RFFL: variants seen among roughly 807,000 people sequenced by gnomAD.
The protein encoded by RFFL is E3 ubiquitin-protein ligase rififylin.
A neutral mutation model predicts 40.4 loss-of-function variants in RFFL; 16 were observed. That is an observed-to-expected ratio of 0.40 (90% CI 0.27 to 0.60). The LOEUF (loss-of-function observed/expected upper bound fraction) is 0.60. Ranked by LOEUF, RFFL falls within the 20% of genes least tolerant of loss-of-function variation. The pLI, the probability that RFFL is intolerant of heterozygous loss-of-function variation, is 0.47. For missense variants in RFFL, 367 were observed against 451.7 expected, an observed-to-expected ratio of 0.81 and a Z score of 1.70; for synonymous variants, 154 against 167.9, an observed-to-expected ratio of 0.92 and a Z score of 0.64.
At chr17:35,060,935 G>C (rs1220602474) in intron 1 of RFFL, among the ~76,000 whole-genome samples, 1 of 152,150 alleles carries the variant, frequency 6.6e-6, no homozygotes, top group Admixed American at 6.5e-5. Flanking sequence ...ATGCATATAT[G>C]AACTAAGTGT....
intron 1 of RFFL, among the ~76,000 whole-genome samples, chr17:35,028,574 G>A (rs969277577): frequency 1.3e-5 from 2 of 152,044 alleles, no homozygotes; most frequent in African/African-American, 4.8e-5. Context: ...TAGATACTTT[G>A]AGCCTGAACT....
intron 1 of RFFL, among the ~76,000 whole-genome samples, chr17:35,035,237 C>T (rs932773524): frequency 6.6e-6 from 1 of 151,822 alleles, no homozygotes; most frequent in Non-Finnish European, 1.5e-5. Context: ...GGTGAAACCC[C>T]GTCTCTACTA....
chr17:35,048,720 AGAAT>A (rs961588138), intron 1 of RFFL, among the ~76,000 whole-genome samples: 3 of 152,184 alleles, frequency 2.0e-5, no homozygotes, highest in African/African-American at 7.2e-5. Flanking sequence ...CCAAATTCAA[AGAAT>A]GAACGTATGC....
At chr17:35,055,748 A>G (rs1361518771) in intron 1 of RFFL, among the ~76,000 whole-genome samples, 5 of 152,040 alleles carry the variant, frequency 3.3e-5, no homozygotes, top group Non-Finnish European at 7.4e-5. Context: ...CTTGTAACTG[A>G]AAGTCACACA....
chr17:35,069,003 C>G (rs1207727987), intron 1 of RFFL, among the ~76,000 whole-genome samples: 1 of 152,166 alleles, frequency 6.6e-6, no homozygotes, highest in Non-Finnish European at 1.5e-5. Flanking sequence ...TGTCATCAAA[C>G]TCCATCACCT....
In RFFL at chr17:35,032,094, C is replaced by CA. The variant is rs11308568; in HGVS notation, c.-8-5534dup. Reference sequence around the variant, plus strand: ...TGGGCGACAGAGCGAGACTCCGTCTCAAAAAAAAAAAAAAAAAGAAAAAGA... The same window carrying CA: ...TGGGCGACAGAGCGAGACTCCGTCTCAAAAAAAAAAAAAAAAAAGAAAAAGA... On this transcript the variant is annotated intron_variant, in intron 1 of 6. Coordinates refer to ENST00000394597, the MANE Select transcript of RFFL (RefSeq NM_001017368.2). Among the ~76,000 whole-genome samples the CA allele has an allele frequency of 7.3e-3, 600 of 81,784 alleles. 3 individuals are homozygous for CA. Among genetic ancestry groups the CA allele is most frequent in the South Asian group, 0.017 (42 of 2,504 alleles). The allele number at this position is 81,784 out of a possible 152,430, so 53.7% of individuals were successfully genotyped here.
chr17:35,030,122 T>A (rs2091073046), intron 1 of RFFL, among the ~76,000 whole-genome samples: 1 of 150,292 alleles, frequency 6.7e-6, no homozygotes, highest in Non-Finnish European at 1.5e-5. Flanking sequence ...TCCAAGTCTT[T>A]GCTATTGTGA....
chr17:35,035,761 C>A (rs1597823332), intron 1 of RFFL, among the ~76,000 whole-genome samples: 1 of 151,528 alleles, frequency 6.6e-6, no homozygotes, highest in Admixed American at 6.6e-5. Flanking sequence ...TAGAGTGCAA[C>A]GGCAAGATCT....
chr17:35,084,271 T>C (rs969726764), intron 1 of RFFL, among the ~76,000 whole-genome samples: 23 of 151,976 alleles, frequency 1.5e-4, no homozygotes, highest in African/African-American at 4.8e-4. Flanking sequence ...GGGGAGCTTT[T>C]TGAAAATAAA....
At chr17:35,038,992 T>C (rs2091144629) in intron 1 of RFFL, among the ~76,000 whole-genome samples, 1 of 152,178 alleles carries the variant, frequency 6.6e-6, no homozygotes, top group Admixed American at 6.5e-5. Context: ...CACTGTAACC[T>C]GGACCTCCCA....
intron 1 of RFFL, among the ~76,000 whole-genome samples, chr17:35,072,630 T>C (rs566996023): frequency 7.9e-5 from 12 of 152,046 alleles, no homozygotes; most frequent in East Asian, 3.9e-4. Context: ...GGTGTTGATA[T>C]TGTACTATGG....
In RFFL at chr17:35,026,432, G is replaced by A. The variant is rs1400848614; in HGVS notation, c.122C>T (p.Thr41Ile). ...GGACTTGCAGCTTGGTTCCAAGCCT[G>A]TTGGGGAAGGGAAGGAGCTGTACCC... is the stretch of plus-strand genomic sequence containing the variant. ...NPGYSSFPSP[T>I]GLEPSCKSCG... The change falls in exon 2 of 7, where the codon ACA (threonine) becomes ATA (isoleucine). Residue 41 changes from threonine to isoleucine, a missense_variant. Physicochemically the swap from Thr to Ile is moderately conservative, Grantham distance 89. Transcript: ENST00000394597. The A allele has an allele frequency of 4.0e-5, 65 of 1,613,908 alleles. No individual in the cohort carries two copies. The East Asian group carries it at 1.4e-3, about 35-fold the overall frequency.
At chr17:35,028,919 C>T (rs1256484691) in intron 1 of RFFL, among the ~76,000 whole-genome samples, 1 of 151,974 alleles carries the variant, frequency 6.6e-6, no homozygotes, top group Non-Finnish European at 1.5e-5. Context: ...CACCTGTCTC[C>T]CCAACTGGCC....
At chr17:35,012,832 C>T (rs1206639103) in intron 6 of RFFL, among the ~76,000 whole-genome samples, 1 of 152,216 alleles carries the variant, frequency 6.6e-6, no homozygotes, top group Non-Finnish European at 1.5e-5. Context: ...CCTACTTACT[C>T]CCAGAGTAGA....
intron 1 of RFFL, among the ~76,000 whole-genome samples, chr17:35,026,923 C>T (rs1220568296): frequency 6.6e-6 from 1 of 152,140 alleles, no homozygotes; most frequent in African/African-American, 2.4e-5. Flanking sequence ...AGGCTAGTCT[C>T]GAACTCCTGA....
rs2090941118 is a variant in RFFL, at chr17:35,011,938, G to A, written c.*30C>T. On this transcript the variant is annotated 3_prime_UTR_variant, in exon 7 of 7. Coordinates refer to ENST00000394597, the MANE Select transcript of RFFL (RefSeq NM_001017368.2). ...CCCAGACACCCCAGGCTATTTCCCT[G>A]TAAGGCACTGAAGAAACCGATGCAA... is the stretch of plus-strand genomic sequence containing the variant. 10 of 1,607,978 alleles carry A rather than the reference G, an allele frequency of 6.2e-6. No individual in the cohort carries two copies. The highest frequency in any genetic ancestry group is 8.5e-6 in the Non-Finnish European group (10 of 1,176,288).
chr17:35,015,079 G>C (rs959785948), intron 5 of RFFL, among the ~76,000 whole-genome samples: 2 of 152,136 alleles, frequency 1.3e-5, no homozygotes, highest in Non-Finnish European at 2.9e-5. Flanking sequence ...CGATTCTCCT[G>C]CCTCGGCCTC....
intron 1 of RFFL, among the ~76,000 whole-genome samples, chr17:35,072,051 C>T (rs1685383877): frequency 6.6e-6 from 1 of 151,792 alleles, no homozygotes; most frequent in Non-Finnish European, 1.5e-5. Flanking sequence ...GAGGCTGAGG[C>T]GGACAAATCG....
chr17:35,013,044 G>A (rs544679687), intron 6 of RFFL, among the ~76,000 whole-genome samples: 5 of 152,368 alleles, frequency 3.3e-5, no homozygotes, highest in Non-Finnish European at 7.3e-5. Flanking sequence ...CGTGTGCCAG[G>A]CAGGGTCCTG....
Sources: allele counts gnomAD v4.1 joint callset (sites outside exome capture counted in the v4.1 genomes callset), GRCh38; gene constraint gnomAD v4.1.1; transcripts MANE v1.5; gene names NCBI Gene and HGNC (gene_info 2026-07-23, HGNC 2026-07-21).